The following TPTE2 variants were observed in gnomAD, a reference collection of about 807,000 sequenced individuals.
The protein encoded by TPTE2 is transmembrane phosphoinositide 3-phosphatase and tensin homolog 2, also known as phosphatidylinositol 3,4,5-trisphosphate 3-phosphatase TPTE2.
TPTE2 carries 53 observed loss-of-function variants against 78.6 expected under a neutral mutation model. The ratio of observed to expected loss-of-function variants is 0.67; its 90% CI spans 0.54 to 0.85. TPTE2 has a LOEUF of 0.85. TPTE2 is among the 40% of genes least tolerant of loss of function. The probability of loss-of-function intolerance (pLI) is 0.00; values close to 1 mark genes in which losing one functional copy is unlikely to be tolerated. For synonymous variants in TPTE2, 175 were observed against 206.2 expected (o/e 0.85, Z 1.30); for missense variants, 461 against 623.0 (o/e 0.74, Z 2.77).
upstream of TPTE2, among the ~76,000 whole-genome samples, chr13:19,505,057 C>G (rs1483468425): frequency 6.6e-6 from 1 of 152,104 alleles, no homozygotes; most frequent in African/African-American, 2.4e-5. Flanking sequence ...TCTAAACTTA[C>G]TTTTTGGATC....
chr13:19,438,343 G>T (rs537319704), intron 13 of TPTE2, 190 bp from the exon 17 acceptor site: 3 of 985,144 alleles, frequency 3.0e-6, no homozygotes, highest in South Asian at 9.4e-5. Flanking sequence ...TGAAAAATAC[G>T]CAAATTACAT....
chr13:19,489,900 G>A (rs1289194317), intron 3 of TPTE2, among the ~76,000 whole-genome samples: 3 of 151,870 alleles, frequency 2.0e-5, no homozygotes, highest in Non-Finnish European at 4.4e-5. Context: ...CATTTTATCC[G>A]GGCCAGTGCT....
At chr13:19,429,290 T>C (rs1447387106) in intron 17 of TPTE2, among the ~76,000 whole-genome samples, 1 of 152,192 alleles carries the variant, frequency 6.6e-6, no homozygotes, top group African/African-American at 2.4e-5. Flanking sequence ...GGACAATTAG[T>C]GGCAGTGAGA....
chr13:19,502,044 A>G (rs1315170266), intron 1 of TPTE2, among the ~76,000 whole-genome samples: 1 of 105,382 alleles, frequency 9.5e-6, no homozygotes, highest in African/African-American at 3.8e-5. Flanking sequence ...AACACATGAA[A>G]AAATGCTCAT....
intron 11 of TPTE2, 51 bp downstream of exon 14, chr13:19,451,114 C>A (rs879696372): frequency 3.8e-6 from 6 of 1,592,364 alleles, no homozygotes; most frequent in Middle Eastern, 3.4e-4. Context: ...TTCTTACGTG[C>A]AGTAATCTGT....
At chr13:19,458,086 T>C (rs1878658696) in intron 10 of TPTE2, among the ~76,000 whole-genome samples, 1 of 152,200 alleles carries the variant, frequency 6.6e-6, no homozygotes, top group Non-Finnish European at 1.5e-5. Flanking sequence ...AAACCAATCT[T>C]CAATAAGTTT....
intron 14 of TPTE2, 44 bp from the exon 18 acceptor site, chr13:19,436,350 T>A (rs779122292): frequency 6.5e-7 from 1 of 1,545,098 alleles, no homozygotes; most frequent in Non-Finnish European, 8.9e-7. Flanking sequence ...TCTGCACTCT[T>A]TCCTTTCCTA....
chr13:19,539,911 A>G (rs750177337), upstream of TPTE2, among the ~76,000 whole-genome samples: 1 of 152,180 alleles, frequency 6.6e-6, no homozygotes, highest in Non-Finnish European at 1.5e-5. Flanking sequence ...TTGGGAAGCC[A>G]AAGTGGGTGA....
intron 1 of TPTE2, among the ~76,000 whole-genome samples, chr13:19,500,029 C>T (rs1329942779): frequency 6.7e-6 from 1 of 149,208 alleles, no homozygotes; most frequent in Non-Finnish European, 1.5e-5. Flanking sequence ...CACCTCTACG[C>T]AAATAAACTA....
chr13:19,548,450 G>C, the TPTE2 span, among the ~76,000 whole-genome samples: 1 of 151,774 alleles, frequency 6.6e-6, no homozygotes, highest in East Asian at 1.9e-4. Context: ...ATGGTAATTT[G>C]AACTTATCTC....
chr13:19,550,655 G>T, the TPTE2 span, among the ~76,000 whole-genome samples: 5 of 152,088 alleles, frequency 3.3e-5, no homozygotes, highest in African/African-American at 1.2e-4. Context: ...TAGAGATGAA[G>T]GAAGTGAGGC....
chr13:19,514,905 C>G (rs1326194520), intron 1 of TPTE2, among the ~76,000 whole-genome samples: 1 of 151,954 alleles, frequency 6.6e-6, no homozygotes, highest in Non-Finnish European at 1.5e-5. Context: ...CACCGAAACC[C>G]CTGGCTTGGC....
intron 10 of TPTE2, among the ~76,000 whole-genome samples, chr13:19,461,933 C>CTTT (rs60926599): frequency 0.027 from 3,674 of 134,216 alleles, 72 homozygotes; most frequent in South Asian, 0.053. Context: ...ACAGTTGGGT[C>CTTT]TTTTTTTTTT....
In TPTE2 at chr13:19,438,793, G is replaced by A. The variant is rs369655450; in HGVS notation, c.974-640C>T. On this transcript the variant is annotated intron_variant, in intron 13 of 19. Coordinates refer to ENST00000400230, the Ensembl canonical transcript of TPTE2. The stretch of plus-strand genomic sequence containing the variant: ...TCAAGAAAGAAAATGGCAATTCCTC[G>A]GAATTATGAAGGACATCCCAGATCC... Among the ~76,000 whole-genome samples the A allele has an allele frequency of 7.1e-4, 108 of 152,290 alleles. No homozygotes were observed. The South Asian group carries it at 0.019, about 26-fold the overall frequency.
intron 10 of TPTE2, among the ~76,000 whole-genome samples, chr13:19,455,137 T>G (rs1173361409): frequency 6.6e-6 from 1 of 152,206 alleles, no homozygotes; most frequent in African/African-American, 2.4e-5. Flanking sequence ...GTCTTAGCCA[T>G]CAATAGCATA....
the TPTE2 span, among the ~76,000 whole-genome samples, chr13:19,555,770 G>T: frequency 1.4e-5 from 2 of 147,428 alleles, no homozygotes; most frequent in Non-Finnish European, 3.0e-5. Flanking sequence ...CTTTTGGCTG[G>T]ACAACAGCAG....
At chr13:19,541,205 C>T (rs1223647256), upstream of TPTE2, among the ~76,000 whole-genome samples, 1 of 152,176 alleles carries the variant, frequency 6.6e-6, no homozygotes, top group Non-Finnish European at 1.5e-5. Context: ...GGCCTTCTTA[C>T]AACATGATAG....
chr13:19,511,578 C>G (rs1325922968), intron 1 of TPTE2, among the ~76,000 whole-genome samples: 3 of 152,122 alleles, frequency 2.0e-5, no homozygotes, highest in Non-Finnish European at 4.4e-5. Flanking sequence ...TAAAGGGCAT[C>G]AGGTTCTTTG....
At chr13:19,519,656 T>A (rs1240895209) in intron 1 of TPTE2, among the ~76,000 whole-genome samples, 1 of 152,204 alleles carries the variant, frequency 6.6e-6, no homozygotes, top group Admixed American at 6.5e-5. Context: ...CTTATTCTAG[T>A]ACTACACAAT....
Sources: allele counts gnomAD v4.1 joint callset (sites outside exome capture counted in the v4.1 genomes callset), GRCh38; gene constraint gnomAD v4.1.1; transcripts MANE v1.5; gene names NCBI Gene and HGNC (gene_info 2026-07-23, HGNC 2026-07-21).